Variants in CGNL1 observed in about 807,000 individuals in gnomAD.
CGNL1 encodes cingulin-like protein 1.
CGNL1 carries 132 observed loss-of-function variants against 141.2 expected under a neutral mutation model. The observed-to-expected ratio is 0.93, with a 90% CI of 0.81 to 1.08. The LOEUF (loss-of-function observed/expected upper bound fraction) is 1.08, where lower values mean the gene tolerates loss of function less well. Among genes scored for constraint, CGNL1 ranks in the 50% least tolerant of loss-of-function variants. CGNL1 has a pLI of 0.00. For missense variants in CGNL1, 1,870 were observed against 1,588.6 expected (o/e 1.18, Z -3.01); for synonymous variants, 690 against 622.1 (o/e 1.11, Z -1.63).
At chr15:57,382,438 C>T (rs769545213) in intron 1 of CGNL1, among the ~76,000 whole-genome samples, 1 of 152,226 alleles carries the variant, frequency 6.6e-6, no homozygotes, top group Non-Finnish European at 1.5e-5. Flanking sequence ...TCTTTGTTTA[C>T]AGGGCAGGGT....
chr15:57,449,180 A>C (rs1293874879), intron 4 of CGNL1, among the ~76,000 whole-genome samples: 1 of 152,176 alleles, frequency 6.6e-6, no homozygotes, highest in Non-Finnish European at 1.5e-5. Context: ...TCTTCTCTGC[A>C]GTCCTCTTGA....
Position 57,543,790 on chromosome 15 carries a change from C to T in CGNL1, c.3375+11C>T, listed in dbSNP as rs761423893. 6.2e-7 allele frequency: 1 copy of T among 1,609,296 alleles called. No individual in the cohort carries two copies. Among genetic ancestry groups the T allele is most frequent in the Non-Finnish European group, 8.5e-7 (1 of 1,175,902 alleles). On this transcript the variant is annotated intron_variant, in intron 15 of 18. Coordinates refer to ENST00000281282, the MANE Select transcript of CGNL1 (RefSeq NM_032866.5). The stretch of plus-strand genomic sequence containing the variant: ...TCCCTGGAGAGGCAGGTGAGGGCAG[C>T]CAGCCTGTGAGCTGCCCCCCCGTCC...
At chr15:57,383,516 T>C (rs560329365) in intron 1 of CGNL1, among the ~76,000 whole-genome samples, 25 of 152,146 alleles carry the variant, frequency 1.6e-4, no homozygotes, top group Non-Finnish European at 3.1e-4. Flanking sequence ...GCCAGGATGG[T>C]CTCTATCTCC....
At chr15:57,532,542 A>T (rs1411546920) in intron 14 of CGNL1, among the ~76,000 whole-genome samples, 1 of 152,234 alleles carries the variant, frequency 6.6e-6, no homozygotes, top group East Asian at 1.9e-4. Context: ...TAGTTCCGTC[A>T]TCTATAACAC....
At chr15:57,541,370 G>A (rs1321463741) in intron 14 of CGNL1, among the ~76,000 whole-genome samples, 1 of 152,264 alleles carries the variant, frequency 6.6e-6, no homozygotes, top group African/African-American at 2.4e-5. Context: ...TGACCTCCAT[G>A]TGTGAGGTGT....
intron 7 of CGNL1, among the ~76,000 whole-genome samples, chr15:57,459,716 C>A (rs2063422651): frequency 6.6e-6 from 1 of 152,148 alleles, no homozygotes; most frequent in South Asian, 2.1e-4. Flanking sequence ...GCAGAACTAA[C>A]TTTTTGGTTA....
chr15:57,437,509 A>T (rs2063119129), intron 1 of CGNL1, among the ~76,000 whole-genome samples: 1 of 151,222 alleles, frequency 6.6e-6, no homozygotes, highest in Admixed American at 6.6e-5. Flanking sequence ...AGAATTCCTT[A>T]GCTCTTAATT....
At chr15:57,467,600 G>A (rs59024143) in intron 8 of CGNL1, among the ~76,000 whole-genome samples, 10,615 of 151,084 alleles carry the variant, frequency 0.07, 684 homozygotes, top group East Asian at 0.33. Context: ...CATTGGGAAC[G>A]TTTTAACACT....
intron 4 of CGNL1, among the ~76,000 whole-genome samples, chr15:57,450,030 T>G (rs1422808468): frequency 6.6e-6 from 1 of 152,210 alleles, no homozygotes; most frequent in Non-Finnish European, 1.5e-5. Context: ...CACGTACAGG[T>G]TTTTGTGTGG....
At chr15:57,400,918 T>G (rs2062654114) in intron 1 of CGNL1, among the ~76,000 whole-genome samples, 1 of 150,202 alleles carries the variant, frequency 6.7e-6, no homozygotes, top group Non-Finnish European at 1.5e-5. Context: ...AAAAGGCATG[T>G]TTGCAATGAA....
chr15:57,540,400 T>C (rs755128397), intron 14 of CGNL1, among the ~76,000 whole-genome samples: 2 of 152,120 alleles, frequency 1.3e-5, no homozygotes, highest in African/African-American at 2.4e-5. Context: ...GAATTTCCCT[T>C]TATAAAGCCA....
In CGNL1 at chr15:57,451,520, A is replaced by G; in HGVS notation, c.1824A>G (p.Glu608=). ...GNNQACNSTS[E]VKDLLEQKSK... is the part of the protein sequence containing the mutation. ...TATAGGCTTGTAATTCCACATCTGA[A>G]GTCAAAGATCTATTGGAACAGAAAA... Residue 608 remains glutamate, a synonymous_variant, in exon 5 of 19, where the codon GAA becomes GAG. Coordinates refer to ENST00000281282, the MANE Select transcript of CGNL1 (RefSeq NM_032866.5). 11 of 1,611,748 alleles carry G rather than the reference A, an allele frequency of 6.8e-6. No individual in the cohort carries two copies. The highest frequency in any genetic ancestry group is 9.3e-6 in the Non-Finnish European group (11 of 1,178,714).
chr15:57,462,458 A>G (rs1462408850), intron 8 of CGNL1, among the ~76,000 whole-genome samples: 1 of 152,250 alleles, frequency 6.6e-6, no homozygotes, highest in Non-Finnish European at 1.5e-5. Context: ...TAGATTCAAA[A>G]TTATGCTGAA....
chr15:57,473,841 A>G (rs1819895671), intron 8 of CGNL1, among the ~76,000 whole-genome samples: 1 of 151,510 alleles, frequency 6.6e-6, no homozygotes, highest in Non-Finnish European at 1.5e-5. Flanking sequence ...CAGCCTCATC[A>G]GAAACCCTGA....
intron 8 of CGNL1, among the ~76,000 whole-genome samples, chr15:57,511,403 T>C (rs1304053230): frequency 6.6e-6 from 1 of 152,264 alleles, no homozygotes; most frequent in African/African-American, 2.4e-5. Context: ...CCTTTAGTAG[T>C]GTGCAATCTT....
At position 57,518,613 on chromosome 15, in the gene CGNL1, C is replaced by A. The variant is rs1292980270; in HGVS notation, c.2715+116C>A. On this transcript the variant is annotated intron_variant, in intron 10 of 18. Coordinates refer to ENST00000281282, the MANE Select transcript of CGNL1 (RefSeq NM_032866.5). ...TCTCTTTCCATGTAGCTCCCTTTCA[C>A]CCATAATAACCACTCAGTTATTTGA... is the stretch of plus-strand genomic sequence containing the variant. The A allele has an allele frequency of 3.1e-5, 21 of 685,410 alleles. No individual in the cohort carries two copies. In the Admixed American group the frequency reaches 4.9e-4, roughly 16 times the overall value. The allele number at this position is 685,410 out of a possible 1,614,324, so 42.5% of individuals were successfully genotyped here.
At chr15:57,430,769 G>T (rs1469239635) in intron 1 of CGNL1, among the ~76,000 whole-genome samples, 1 of 152,198 alleles carries the variant, frequency 6.6e-6, no homozygotes, top group Admixed American at 6.5e-5. Flanking sequence ...GCCCAGGCTG[G>T]AGTGCAGTGG....
chr15:57,546,293 A>G (rs2032864689), intron 18 of CGNL1, 54 bp downstream of exon 18: 1 of 1,499,612 alleles, frequency 6.7e-7, no homozygotes, highest in African/African-American at 1.4e-5. Flanking sequence ...CAGTTGAGAC[A>G]GGCTCTGCTT....
chr15:57,472,152 T>G (rs2063590040), intron 8 of CGNL1, among the ~76,000 whole-genome samples: 1 of 152,042 alleles, frequency 6.6e-6, no homozygotes, highest in Non-Finnish European at 1.5e-5. Context: ...AAAAGTTTCC[T>G]TGAGGAAAAC....
Sources: allele counts gnomAD v4.1 joint callset (sites outside exome capture counted in the v4.1 genomes callset), GRCh38; gene constraint gnomAD v4.1.1; transcripts MANE v1.5; gene names NCBI Gene and HGNC (gene_info 2026-07-23, HGNC 2026-07-21).